CLVS2: variants seen among roughly 807,000 people sequenced by gnomAD.
CLVS2 encodes the protein clavesin-2.
In CLVS2, 19 loss-of-function variants were observed where a neutral mutation model predicts 29.0. The observed-to-expected ratio is 0.66, with a 90% confidence interval of 0.46 to 0.96. The LOEUF is 0.96. Ranked by LOEUF, CLVS2 falls within the 40% of genes least tolerant of loss-of-function variation. The probability of loss-of-function intolerance (pLI) is 0.00; values close to 1 mark genes in which losing one functional copy is unlikely to be tolerated. For synonymous variants in CLVS2, 161 were observed against 151.3 expected (o/e 1.06, Z -0.47); for missense variants, 294 against 404.1 (o/e 0.73, Z 2.34).
Position 123,063,665 on chromosome 6 carries a change from C to G in CLVS2, c.897-9C>G, listed in dbSNP as rs1436157256. On this transcript the variant is annotated splice_polypyrimidine_tract_variant and intron_variant, in intron 5 of 5. Coordinates refer to ENST00000275162, the MANE Select transcript of CLVS2 (RefSeq NM_001010852.4). Reference sequence around the variant, plus strand: ...AATAACTCACTGACGTTGGCTTTATCCTTTCCAGATCTCAATCAGTAGTGG... The same window carrying G: ...AATAACTCACTGACGTTGGCTTTATGCTTTCCAGATCTCAATCAGTAGTGG... The G allele has an allele frequency of 6.3e-7, 1 of 1,579,282 alleles. No individual in the cohort carries two copies. The highest frequency in any genetic ancestry group is 8.7e-7 in the Non-Finnish European group (1 of 1,151,372).
At chr6:123,047,045 A>C (rs1772524540) in intron 3 of CLVS2, among the ~76,000 whole-genome samples, 1 of 152,094 alleles carries the variant, frequency 6.6e-6, no homozygotes, top group African/African-American at 2.4e-5. Flanking sequence ...ATTGAGGGCA[A>C]GTGGGGGACT....
At chr6:123,005,928 C>T (rs1329237731) in intron 2 of CLVS2, among the ~76,000 whole-genome samples, 3 of 152,168 alleles carry the variant, frequency 2.0e-5, no homozygotes, top group Non-Finnish European at 2.9e-5. Flanking sequence ...GGTCTATGCC[C>T]TTGGGAAATA....
chr6:123,041,665 G>A (rs1775236372), intron 3 of CLVS2, among the ~76,000 whole-genome samples: 1 of 152,094 alleles, frequency 6.6e-6, no homozygotes, highest in South Asian at 2.1e-4. Context: ...TTTTTTAATA[G>A]TAATGGCAGA....
intron 3 of CLVS2, among the ~76,000 whole-genome samples, chr6:123,041,638 AG>A (rs1775236120): frequency 6.6e-6 from 1 of 152,218 alleles, no homozygotes; most frequent in East Asian, 1.9e-4. Flanking sequence ...TAACACATAT[AG>A]AATGGGGAAA....
At chr6:123,062,526 T>C (rs1407950780) in intron 5 of CLVS2, among the ~76,000 whole-genome samples, 1 of 152,092 alleles carries the variant, frequency 6.6e-6, no homozygotes, top group Non-Finnish European at 1.5e-5. Flanking sequence ...AATATTGAGA[T>C]AAAATAGTGT....
intron 3 of CLVS2, among the ~76,000 whole-genome samples, chr6:123,014,820 C>G (rs893874784): frequency 2.6e-5 from 4 of 152,062 alleles, no homozygotes; most frequent in Admixed American, 6.6e-5. Context: ...TACAGATACA[C>G]AGACTGCAGT....
chr6:123,019,267 C>T (rs1323231998), intron 3 of CLVS2, among the ~76,000 whole-genome samples: 1 of 152,070 alleles, frequency 6.6e-6, no homozygotes, highest in Non-Finnish European at 1.5e-5. Flanking sequence ...CACCTGTACT[C>T]TCTTTCACAA....
At chr6:123,052,653 C>A (rs1772629181) in intron 4 of CLVS2, among the ~76,000 whole-genome samples, 1 of 152,078 alleles carries the variant, frequency 6.6e-6, no homozygotes, top group Non-Finnish European at 1.5e-5. Context: ...TTGAGGATAG[C>A]ACCAAAAAGA....
chr6:123,013,738 T>C (rs6902800), intron 3 of CLVS2, among the ~76,000 whole-genome samples: 112,321 of 151,434 alleles, frequency 0.74, 42,161 homozygotes, highest in East Asian at 0.92. Context: ...TATACATGTG[T>C]CATGTTGGTG....
In CLVS2 at chr6:123,067,397, C is replaced by T. The variant is rs1403573406; in HGVS notation, c.*3636C>T. On this transcript the variant is annotated 3_prime_UTR_variant, in exon 6 of 6. Transcript: ENST00000275162. Reference sequence around the variant, plus strand: ...AAAGGTTTATGGACATATCTCTGGTCCTTTAAAGAAGTTACATTAAGAAAG... The same window carrying T: ...AAAGGTTTATGGACATATCTCTGGTTCTTTAAAGAAGTTACATTAAGAAAG... 6.6e-6 allele frequency: 1 copy of T among 151,608 alleles called. No individual in the cohort carries two copies. The highest frequency in any genetic ancestry group is 1.5e-5 in the Non-Finnish European group (1 of 67,704). The allele number at this position is 151,608 out of a possible 1,614,324, so 9.4% of individuals were successfully genotyped here.
At chr6:123,057,982 C>T (rs1171379465) in intron 5 of CLVS2, among the ~76,000 whole-genome samples, 4 of 152,100 alleles carry the variant, frequency 2.6e-5, no homozygotes, top group African/African-American at 7.2e-5. Context: ...CATATATTTT[C>T]TGGGGAGAAG....
At chr6:123,023,231 C>T (rs1240664425) in intron 3 of CLVS2, among the ~76,000 whole-genome samples, 1 of 152,074 alleles carries the variant, frequency 6.6e-6, no homozygotes, top group African/African-American at 2.4e-5. Flanking sequence ...TTCTGTTTCT[C>T]TCTAGCCATC....
chr6:123,044,831 GT>G (rs562886368), intron 3 of CLVS2, among the ~76,000 whole-genome samples: 3 of 152,104 alleles, frequency 2.0e-5, no homozygotes, highest in Non-Finnish European at 2.9e-5. Context: ...AACAAAGGTA[GT>G]TTTTTTGTGT....
chr6:123,048,659 T>G lies in CLVS2; in HGVS notation c.602T>G (p.Val201Gly). ...GCGCGATTTGGAGGAATTCATTTTGTCAATCAACCATGGTATATCCATGCC... is the reference window on the plus strand; with the variant it reads ...GCGCGATTTGGAGGAATTCATTTTGGCAATCAACCATGGTATATCCATGCC... The part of the protein sequence containing the change: ...FPARFGGIHF[V>G]NQPWYIHALY... Residue 201 changes from valine (V) to glycine (G), a missense_variant, in exon 4 of 6, where the codon GTC (valine) becomes GGC (glycine). Transcript: ENST00000275162. 1 of 1,613,648 alleles carries G rather than the reference T, an allele frequency of 6.2e-7. No homozygotes were observed. Among genetic ancestry groups the G allele is most frequent in the African/African-American group, 1.3e-5 (1 of 75,024 alleles).
At chr6:123,054,555 CTTT>C (rs1462844395) in intron 4 of CLVS2, among the ~76,000 whole-genome samples, 1 of 152,186 alleles carries the variant, frequency 6.6e-6, no homozygotes, top group African/African-American at 2.4e-5. Context: ...AGTAATCTTT[CTTT>C]GTTTCCCAAT....
In CLVS2 at chr6:123,010,594, CAA is replaced by C. The variant is rs1479707997; in HGVS notation, c.390-389_390-388del. Among the ~76,000 whole-genome samples, 4 of 152,040 alleles carry C rather than the reference CAA, an allele frequency of 2.6e-5. No individual in the cohort carries two copies. In the East Asian group the frequency reaches 7.7e-4, roughly 29 times the overall value. ...TTTTCATTTATTGATGAGACTCACT[CAA>C]ATCTCATTCTCAGTTTTTTCAAATA... On this transcript the variant is annotated intron_variant, in intron 2 of 5. Coordinates refer to ENST00000275162, the MANE Select transcript of CLVS2 (RefSeq NM_001010852.4).
rs1015763847 is a variant in CLVS2, at chr6:123,068,997, T to G, written c.*5236T>G. 7 of 151,738 alleles carry G rather than the reference T, an allele frequency of 4.6e-5. No individual in the cohort carries two copies. The highest frequency in any genetic ancestry group is 1.7e-4 in the African/African-American group (7 of 41,404). The allele number at this position is 151,738 out of a possible 1,614,324, so 9.4% of individuals were successfully genotyped here. On this transcript the variant is annotated 3_prime_UTR_variant, in exon 6 of 6. Transcript: ENST00000275162. Reference sequence around the variant, plus strand: ...AAAATCGTCTAAAAATTAGCAATATTTTTATTTTGAGAGAAATTGTGCTTA... The same window carrying G: ...AAAATCGTCTAAAAATTAGCAATATGTTTATTTTGAGAGAAATTGTGCTTA...
intron 3 of CLVS2, among the ~76,000 whole-genome samples, chr6:123,015,761 G>A (rs1774823175): frequency 6.6e-6 from 1 of 152,052 alleles, no homozygotes; most frequent in South Asian, 2.1e-4. Flanking sequence ...TTTTCCCAGT[G>A]AGCCATCTCT....
intron 3 of CLVS2, among the ~76,000 whole-genome samples, chr6:123,011,721 A>G (rs948385968): frequency 1.3e-5 from 2 of 151,850 alleles, no homozygotes; most frequent in African/African-American, 4.8e-5. Context: ...GTAATGTTTA[A>G]CTACTTGGGA....
Sources: gnomAD v4.1 joint callset for allele counts (sites outside exome capture counted in the v4.1 genomes callset) on GRCh38, gnomAD v4.1.1 for gene constraint, MANE v1.5 for transcripts, NCBI Gene and HGNC (gene_info 2026-07-23, HGNC 2026-07-21) for gene names.